The following EXOC4 variants were observed in gnomAD, a reference collection of about 807,000 sequenced individuals.
EXOC4 encodes exocyst complex component 4.
A neutral mutation model predicts 107.2 loss-of-function variants in EXOC4; 71 were observed. The ratio of observed to expected loss-of-function variants is 0.66; its 90% CI spans 0.55 to 0.81. The LOEUF is 0.81. Among genes scored for constraint, EXOC4 ranks in the 30% least tolerant of loss-of-function variants. EXOC4 has a pLI of 0.00. For synonymous variants in EXOC4, 456 were observed against 441.2 expected (o/e 1.03, Z -0.42); for missense variants, 1,108 against 1,189.6 (o/e 0.93, Z 1.01).
chr7:133,348,500 C>T (rs1795836768), intron 5 of EXOC4, among the ~76,000 whole-genome samples: 1 of 152,202 alleles, frequency 6.6e-6, no homozygotes, highest in Admixed American at 6.5e-5. Context: ...TGGCAGGTAG[C>T]TGCAGTGTTC....
intron 10 of EXOC4, among the ~76,000 whole-genome samples, chr7:133,676,585 A>G (rs1261649932): frequency 1.3e-5 from 2 of 152,160 alleles, no homozygotes; most frequent in Non-Finnish European, 2.9e-5. Context: ...GAGAGGATCT[A>G]GCATGTACAA....
At chr7:133,690,776 T>C (rs1440142098) in intron 10 of EXOC4, among the ~76,000 whole-genome samples, 1 of 152,182 alleles carries the variant, frequency 6.6e-6, no homozygotes, top group Non-Finnish European at 1.5e-5. Flanking sequence ...CAGGGTCTTG[T>C]ATCATTCAAA....
intron 7 of EXOC4, among the ~76,000 whole-genome samples, chr7:133,424,419 G>A (rs1014992011): frequency 1.3e-5 from 2 of 151,820 alleles, no homozygotes; most frequent in Non-Finnish European, 2.9e-5. Flanking sequence ...TGAAGTCAGC[G>A]AGACCACGAA....
intron 5 of EXOC4, among the ~76,000 whole-genome samples, chr7:133,317,706 G>C (rs983560308): frequency 1.3e-5 from 2 of 151,686 alleles, no homozygotes; most frequent in African/African-American, 4.8e-5. Flanking sequence ...TTTTGAGACG[G>C]AGTCTCGCTC....
chr7:133,289,051 C>G lies in EXOC4; in HGVS notation c.406C>G (p.Gln136Glu). The change falls in exon 3 of 18, where the codon CAA becomes GAA. Residue 136 changes from glutamine to glutamate, a missense_variant. Gln to Glu is a conservative substitution (Grantham distance 29). Transcript: ENST00000253861. ...NLLDEIENIK[Q>E]VPQKLEQCMA... ...GTTGGATGAAATTGAGAATATCAAG[C>G]AAGTGCCTCAAAAGCTGGAACAGTG... 1 of 1,614,180 alleles carries G rather than the reference C, an allele frequency of 6.2e-7. No homozygotes were observed. Among genetic ancestry groups the G allele is most frequent in the Non-Finnish European group, 8.5e-7 (1 of 1,180,012 alleles).
Position 133,601,869 on chromosome 7 carries a change from T to C in EXOC4, c.1418-28176T>C, listed in dbSNP as rs528782731. 3.9e-5 allele frequency: 6 copies of C among 152,394 alleles called. No individual in the cohort carries two copies. The East Asian group carries it at 1.2e-3, about 29-fold the overall frequency. The allele number at this position is 152,394 out of a possible 1,614,324, so 9.4% of individuals were successfully genotyped here. ...CATGGCTTCCTGAACATCGGGGCTG[T>C]GTGTGTGTTGCCAGCTTGGCACTGA... On this transcript the variant is annotated intron_variant, in intron 9 of 17. Transcript: ENST00000253861.
chr7:133,853,402 T>A, intron 11 of EXOC4, among the ~76,000 whole-genome samples: 1 of 138,296 alleles, frequency 7.2e-6, no homozygotes. Context: ...ACACACAACT[T>A]TTTAGAGTCA....
At chr7:133,988,357 C>A (rs1563082188) in intron 14 of EXOC4, among the ~76,000 whole-genome samples, 2 of 152,314 alleles carry the variant, frequency 1.3e-5, no homozygotes, top group South Asian at 4.1e-4. Context: ...TTGTAAATGG[C>A]AAGTTGCTCC....
intron 6 of EXOC4, among the ~76,000 whole-genome samples, chr7:133,372,528 C>A (rs1358271614): frequency 2.0e-5 from 3 of 151,348 alleles, no homozygotes; most frequent in African/African-American, 7.3e-5. Flanking sequence ...TCATCTTACA[C>A]CTCTATTCTC....
chr7:133,448,164 T>C (rs1211397471), intron 7 of EXOC4, among the ~76,000 whole-genome samples: 1 of 152,172 alleles, frequency 6.6e-6, no homozygotes, highest in Non-Finnish European at 1.5e-5. Context: ...TGGGTCTCCT[T>C]TTGCCCTTGG....
intron 9 of EXOC4, among the ~76,000 whole-genome samples, chr7:133,590,043 C>G (rs1318748839): frequency 6.6e-6 from 1 of 151,924 alleles, no homozygotes; most frequent in African/African-American, 2.4e-5. Context: ...CTAATAGGCT[C>G]CCACCTCACA....
intron 7 of EXOC4, among the ~76,000 whole-genome samples, chr7:133,379,586 T>C (rs919628655): frequency 6.6e-6 from 1 of 152,134 alleles, no homozygotes; most frequent in East Asian, 1.9e-4. Flanking sequence ...AAGGCCTAGA[T>C]AGTATGTTAT....
rs1795531147 is a variant in EXOC4 at position 133,336,967 on chromosome 7, T to C, written c.764-19363T>C. On this transcript the variant is annotated intron_variant, in intron 5 of 17. Coordinates refer to ENST00000253861, the MANE Select transcript of EXOC4 (RefSeq NM_021807.4). ...GCAGGATTGTCTTGATCTCCTGACC[T>C]CGTGATCCACCCTCCTCAGCCTCCC... 2.6e-5 allele frequency among the ~76,000 whole-genome samples: 4 copies of C among 152,042 alleles called. 1 individual carries two copies. The South Asian group carries it at 8.3e-4, about 32-fold the overall frequency.
Position 133,275,115 on chromosome 7 carries a change from C to T in EXOC4, c.220C>T (p.Arg74Cys), listed in dbSNP as rs201300506. The T allele has an allele frequency of 1.2e-5, 20 of 1,613,342 alleles. No homozygotes were observed. The highest frequency in any genetic ancestry group is 1.5e-5 in the Non-Finnish European group (18 of 1,179,636). Residue 74 changes from arginine (R) to cysteine (C), a missense_variant, in exon 2 of 18, where the codon CGC becomes TGC. Arg to Cys is a radical substitution (Grantham distance 180). Coordinates refer to ENST00000253861, the MANE Select transcript of EXOC4 (RefSeq NM_021807.4). ...QHYTELTTAI[R>C]TYQSITERIT... ...CTACACAGAATTGACGACAGCCATTCGCACATACCAGAGCATCACAGAGCG... is the reference window on the plus strand; with the variant it reads ...CTACACAGAATTGACGACAGCCATTTGCACATACCAGAGCATCACAGAGCG...
intron 11 of EXOC4, among the ~76,000 whole-genome samples, chr7:133,860,480 A>C (rs888373051): frequency 1.3e-5 from 2 of 152,228 alleles, no homozygotes; most frequent in Non-Finnish European, 2.9e-5. Flanking sequence ...GACTCCAGAG[A>C]TGGCAGTGTG....
intron 10 of EXOC4, among the ~76,000 whole-genome samples, chr7:133,780,864 A>G (rs1219863932): frequency 6.6e-6 from 1 of 152,162 alleles, no homozygotes; most frequent in Non-Finnish European, 1.5e-5. Flanking sequence ...GCATGTTGGT[A>G]TTTTTCAAAT....
intron 6 of EXOC4, among the ~76,000 whole-genome samples, chr7:133,363,938 A>AGGGGT (rs1039724954): frequency 1.3e-5 from 2 of 152,176 alleles, no homozygotes; most frequent in Non-Finnish European, 2.9e-5. Context: ...GATGATGTGT[A>AGGGGT]GGGGTGGTGT....
intron 10 of EXOC4, among the ~76,000 whole-genome samples, chr7:133,746,859 T>C (rs1462143692): frequency 6.6e-6 from 1 of 152,132 alleles, no homozygotes; most frequent in East Asian, 1.9e-4. Context: ...TCTACCATGA[T>C]CCTTATGAGT....
At chr7:133,728,705 G>T (rs1416925580) in intron 10 of EXOC4, among the ~76,000 whole-genome samples, 1 of 152,020 alleles carries the variant, frequency 6.6e-6, no homozygotes, top group Admixed American at 6.6e-5. Context: ...TTATTAGTTG[G>T]CCAATAGCAT....
Sources: allele counts gnomAD v4.1 joint callset (sites outside exome capture counted in the v4.1 genomes callset), GRCh38; gene constraint gnomAD v4.1.1; transcripts MANE v1.5; gene names NCBI Gene and HGNC (gene_info 2026-07-23, HGNC 2026-07-21).